Variants in RAB3GAP2 observed in about 807,000 individuals in gnomAD.
RAB3GAP2 encodes rab3 GTPase-activating protein non-catalytic subunit.
Under a neutral mutation model 185.3 loss-of-function variants are expected in RAB3GAP2, and 87 were observed. The observed-to-expected ratio is 0.47, with a 90% CI of 0.39 to 0.56. The LOEUF is 0.56. Among genes scored for constraint, RAB3GAP2 ranks in the 20% least tolerant of loss-of-function variants. The probability of loss-of-function intolerance (pLI) is 0.00; values close to 1 mark genes in which losing one functional copy is unlikely to be tolerated. For synonymous variants in RAB3GAP2, 554 were observed against 576.1 expected (o/e 0.96, Z 0.55); for missense variants, 1,492 against 1,638.2 (o/e 0.91, Z 1.54).
Position 220,152,632 on chromosome 1 carries a change from G to A in RAB3GAP2, c.3867+553C>T, listed in dbSNP as rs191954492. Reference sequence around the variant, plus strand: ...GGCTGCTGCTTCTCCTTGGGGGCTCGGTTCAAATGTCACCTTCTCTGACCA... The same window carrying A: ...GGCTGCTGCTTCTCCTTGGGGGCTCAGTTCAAATGTCACCTTCTCTGACCA... On this transcript the variant is annotated intron_variant, in intron 33 of 34. Transcript: ENST00000358951. Among the ~76,000 whole-genome samples the A allele has an allele frequency of 7.9e-5, 12 of 152,222 alleles. No individual in the cohort carries two copies. The East Asian group carries it at 1.4e-3, about 17-fold the overall frequency.
intron 2 of RAB3GAP2, among the ~76,000 whole-genome samples, chr1:220,216,158 T>C (rs962139672): frequency 6.6e-6 from 1 of 152,066 alleles, no homozygotes; most frequent in Non-Finnish European, 1.5e-5. Context: ...CAATGGGATA[T>C]TAGGAAACAA....
intron 1 of RAB3GAP2, among the ~76,000 whole-genome samples, chr1:220,259,211 C>G (rs940962180): frequency 6.6e-6 from 1 of 151,900 alleles, no homozygotes; most frequent in African/African-American, 2.4e-5. Context: ...ACATTCTTCA[C>G]AGAATTAGAA....
intron 17 of RAB3GAP2, among the ~76,000 whole-genome samples, chr1:220,185,944 T>C (rs183307628): frequency 1.1e-4 from 16 of 152,270 alleles, no homozygotes; most frequent in African/African-American, 3.6e-4. Context: ...AAATATGACA[T>C]AAATGACAAA....
rs138271181 is a variant in RAB3GAP2 at position 220,197,297 on chromosome 1, G to A, written c.812-899C>T. ...GCCACTGTGCCCAGCCAATATAGGCGTGTGCTGCTGTGCCTGACCTTACTA... is the reference window on the plus strand; with the variant it reads ...GCCACTGTGCCCAGCCAATATAGGCATGTGCTGCTGTGCCTGACCTTACTA... On this transcript the variant is annotated intron_variant, in intron 9 of 34. Coordinates refer to ENST00000358951, the MANE Select transcript of RAB3GAP2 (RefSeq NM_012414.4). Among the ~76,000 whole-genome samples the A allele has an allele frequency of 2.3e-4, 35 of 152,056 alleles. No individual in the cohort carries two copies. In the East Asian group the frequency reaches 2.7e-3, roughly 12 times the overall value.
intron 21 of RAB3GAP2, among the ~76,000 whole-genome samples, chr1:220,178,224 T>C (rs1658333218): frequency 6.6e-6 from 1 of 151,924 alleles, no homozygotes; most frequent in South Asian, 2.1e-4. Context: ...AAAAGGGAAA[T>C]AAAAGATTTC....
chr1:220,168,457 G>A (rs1658112693), intron 24 of RAB3GAP2, among the ~76,000 whole-genome samples: 1 of 151,562 alleles, frequency 6.6e-6, no homozygotes, highest in African/African-American at 2.4e-5. Context: ...GGGTGCAATG[G>A]TGCAATCTTG....
At position 220,182,175 on chromosome 1, in the gene RAB3GAP2, T is replaced by C. The variant is rs1023130251; in HGVS notation, c.2310+82A>G. 27 of 1,587,402 alleles carry C rather than the reference T, an allele frequency of 1.7e-5. No homozygotes were observed. In the East Asian group the frequency reaches 2.7e-4, roughly 16 times the overall value. On this transcript the variant is annotated intron_variant, in intron 21 of 34. Coordinates refer to ENST00000358951, the MANE Select transcript of RAB3GAP2 (RefSeq NM_012414.4). The stretch of plus-strand genomic sequence containing the variant: ...CATTCTGTGATATCCTAAAAGACAA[T>C]AGTTAAAAAAAAAAAGAAGACTGAC...
At position 220,185,621 on chromosome 1, in the gene RAB3GAP2, A is replaced by G. The variant is rs754172582; in HGVS notation, c.1870+30T>C. The G allele has an allele frequency of 3.9e-6, 6 of 1,534,808 alleles. No homozygotes were observed. In the East Asian group the frequency reaches 1.1e-4, roughly 29 times the overall value. On this transcript the variant is annotated intron_variant, in intron 18 of 34. Coordinates refer to ENST00000358951, the MANE Select transcript of RAB3GAP2 (RefSeq NM_012414.4). ...GAGTTACAAAATTTGAGTTAAGAAC[A>G]TAACCTCCAATCAGTACAAACCCTA...
intron 17 of RAB3GAP2, among the ~76,000 whole-genome samples, chr1:220,186,854 A>G (rs866614397): frequency 1.4e-4 from 22 of 152,216 alleles, no homozygotes; most frequent in African/African-American, 5.1e-4. Context: ...AAGATGGCAT[A>G]AAAATGAGAA....
chr1:220,255,973 T>C (rs1019263778), intron 1 of RAB3GAP2, among the ~76,000 whole-genome samples: 4 of 152,084 alleles, frequency 2.6e-5, no homozygotes, highest in Non-Finnish European at 4.4e-5. Context: ...CCAAGACACA[T>C]AATCATCAGA....
intron 11 of RAB3GAP2, 62 bp from the exon 12 acceptor site, chr1:220,195,229 T>G: frequency 6.2e-7 from 1 of 1,602,652 alleles, no homozygotes; most frequent in East Asian, 2.2e-5. Context: ...GTGCAAACTA[T>G]CAAAATATAA....
chr1:220,231,734 C>T (rs140421224), intron 2 of RAB3GAP2, among the ~76,000 whole-genome samples: 19 of 152,176 alleles, frequency 1.2e-4, no homozygotes, highest in South Asian at 2.1e-4. Context: ...TTGCTAGAGA[C>T]GTCTAAGAAA....
Position 220,189,721 on chromosome 1 carries a change from G to A in RAB3GAP2, c.1761C>T (p.Tyr587=), listed in dbSNP as rs749041288. 2.6e-6 allele frequency: 4 copies of A among 1,556,696 alleles called. No homozygotes were observed. The African/African-American group carries it at 4.1e-5, about 16-fold the overall frequency. ...CACTTACTTGTTTTTTGGTTGCAGGGTATTTAATATCAAGAATTAATTCCT... is the reference window on the plus strand; with the variant it reads ...CACTTACTTGTTTTTTGGTTGCAGGATATTTAATATCAAGAATTAATTCCT... ...EIKELILDIK[Y]PATKKQALES... The change falls in exon 17 of 35, where the codon TAC becomes TAT. Residue 587 remains tyrosine (Y), a synonymous_variant. Coordinates refer to ENST00000358951, the MANE Select transcript of RAB3GAP2 (RefSeq NM_012414.4).
intron 1 of RAB3GAP2, among the ~76,000 whole-genome samples, chr1:220,263,596 C>T (rs151150003): frequency 1.3e-5 from 2 of 152,152 alleles, no homozygotes; most frequent in South Asian, 2.1e-4. Context: ...ATCATCTTGA[C>T]CATGTATGTG....
In RAB3GAP2 at chr1:220,167,350, A is replaced by T; in HGVS notation, c.3030T>A (p.Asp1010Glu). 1 of 1,614,224 alleles carries T rather than the reference A, an allele frequency of 6.2e-7. No individual in the cohort carries two copies. The highest frequency in any genetic ancestry group is 8.5e-7 in the Non-Finnish European group (1 of 1,180,016). Reference sequence around the variant, plus strand: ...CCCAGCAGCAATGTGCATGCAAGACATCGAGCTCAAGGCTACAAGGAAACT... The same window carrying T: ...CCCAGCAGCAATGTGCATGCAAGACTTCGAGCTCAAGGCTACAAGGAAACT... ...YEQFPCSLEL[D>E]VLHAHCCWEY... The change falls in exon 26 of 35, where the codon GAT becomes GAA. Residue 1010 changes from aspartate to glutamate, a missense_variant. Asp to Glu is a conservative substitution (Grantham distance 45). Coordinates refer to ENST00000358951, the MANE Select transcript of RAB3GAP2 (RefSeq NM_012414.4).
Position 220,151,631 on chromosome 1 carries a change from G to A in RAB3GAP2, c.4001C>T (p.Thr1334Ile), listed in dbSNP as rs1657756111. The A allele has an allele frequency of 6.2e-7, 1 of 1,612,068 alleles. No homozygotes were observed. The highest frequency in any genetic ancestry group is 8.5e-7 in the Non-Finnish European group (1 of 1,178,134). ...GMELLARLPP[T>I]LCTWLKAMDP... The stretch of plus-strand genomic sequence containing the variant: ...CATTGCTTTCAGCCAAGTACACAGT[G>A]TGGGTGGAAGTCTGGCAAGCAGCTC... Residue 1334 changes from threonine to isoleucine, a missense_variant, in exon 34 of 35, where the codon ACA (threonine) becomes ATA (isoleucine). Physicochemically the swap from Thr to Ile is moderately conservative, Grantham distance 89 (BLOSUM62 -1). This residue lies in a region of RAB3GAP2 where 387 missense variants were observed against 455.3 expected (regional missense o/e 0.85). Transcript: ENST00000358951.
intron 17 of RAB3GAP2, among the ~76,000 whole-genome samples, chr1:220,188,624 G>A (rs1658549520): frequency 6.6e-6 from 1 of 152,130 alleles, no homozygotes; most frequent in African/African-American, 2.4e-5. Context: ...AACTATTTTG[G>A]GAAACAATTT....
intron 29 of RAB3GAP2, among the ~76,000 whole-genome samples, 198 bp downstream of exon 29, chr1:220,159,188 A>T (rs1379268809): frequency 6.6e-6 from 1 of 152,196 alleles, no homozygotes; most frequent in South Asian, 2.1e-4. Context: ...GCTATCTAAC[A>T]ATCTGGAAAA....
chr1:220,205,555 A>G (rs1396160916), intron 8 of RAB3GAP2, among the ~76,000 whole-genome samples: 8 of 152,178 alleles, frequency 5.3e-5, no homozygotes, highest in Non-Finnish European at 4.4e-5. Flanking sequence ...GCCACATGCA[A>G]CTAAATTCTT....
Sources: gnomAD v4.1 joint callset for allele counts (sites outside exome capture counted in the v4.1 genomes callset) on GRCh38, gnomAD v4.1.1 for gene constraint, gnomAD v4.1.1 regional missense constraint, MANE v1.5 for transcripts, NCBI Gene and HGNC (gene_info 2026-07-23, HGNC 2026-07-21) for gene names.